The following PLCB1 variants were observed in gnomAD, a reference collection of about 807,000 sequenced individuals.
PLCB1 encodes the protein phospholipase C beta 1.
PLCB1 carries 46 observed loss-of-function variants against 161.8 expected under a neutral mutation model. The ratio of observed to expected loss-of-function variants is 0.28; its 90% CI spans 0.22 to 0.36. PLCB1 has a LOEUF of 0.36. PLCB1 is among the 10% of genes least tolerant of loss of function. PLCB1 has a pLI of 1.00. For missense variants in PLCB1, 1,016 were observed against 1,472.5 expected, an observed-to-expected ratio of 0.69 and a Z score of 5.07; for synonymous variants, 517 against 503.7, an observed-to-expected ratio of 1.03 and a Z score of -0.35.
At chr20:8,506,989 G>A (rs1983661798) in intron 3 of PLCB1, among the ~76,000 whole-genome samples, 2 of 152,078 alleles carry the variant, frequency 1.3e-5, no homozygotes, top group Non-Finnish European at 2.9e-5. Context: ...AAAACTTAAT[G>A]ACTAAGAGCC....
At chr20:8,567,418 A>C (rs1211879115) in intron 3 of PLCB1, among the ~76,000 whole-genome samples, 1 of 151,992 alleles carries the variant, frequency 6.6e-6, no homozygotes, top group Non-Finnish European at 1.5e-5. Flanking sequence ...TCTTCACTTC[A>C]TTCTCCCCTG....
chr20:8,512,854 A>T (rs1725930965), intron 3 of PLCB1, among the ~76,000 whole-genome samples: 1 of 152,076 alleles, frequency 6.6e-6, no homozygotes, highest in African/African-American at 2.4e-5. Flanking sequence ...GTTATTATTA[A>T]CTCTAGTCAC....
At chr20:8,810,176 A>G (rs953249268) in intron 31 of PLCB1, among the ~76,000 whole-genome samples, 6 of 152,304 alleles carry the variant, frequency 3.9e-5, no homozygotes, top group Non-Finnish European at 8.8e-5. Context: ...TGAAAATGTA[A>G]TACCATCTGG....
intron 10 of PLCB1, among the ~76,000 whole-genome samples, chr20:8,695,318 C>T (rs973843300): frequency 1.3e-5 from 2 of 152,134 alleles, no homozygotes; most frequent in Non-Finnish European, 2.9e-5. Context: ...TTTTCTTTGT[C>T]CTGTGTGTCT....
At chr20:8,484,240 G>A (rs1400853778) in intron 3 of PLCB1, among the ~76,000 whole-genome samples, 1 of 151,472 alleles carries the variant, frequency 6.6e-6, no homozygotes, top group African/African-American at 2.4e-5. Context: ...GGTCAGGCTG[G>A]TCTCGAACTC....
Position 8,862,030 on chromosome 20 carries a change from T to A in PLCB1, c.3424-19592T>A, listed in dbSNP as rs186854199. ...AATTGTATTTCCTTTAAAAATAGACTGGCATTATGTTATTATTTAATTATT... is the reference window on the plus strand; with the variant it reads ...AATTGTATTTCCTTTAAAAATAGACAGGCATTATGTTATTATTTAATTATT... On this transcript the variant is annotated intron_variant, in intron 31 of 31. Transcript: ENST00000338037. Among the ~76,000 whole-genome samples the A allele has an allele frequency of 2.4e-4, 37 of 152,318 alleles. 1 individual carries two copies. In the East Asian group the frequency reaches 6.6e-3, roughly 27 times the overall value.
At chr20:8,790,288 A>G (rs1600329849) in intron 31 of PLCB1, 27 bp downstream of exon 31, 2 of 1,524,552 alleles carry the variant, frequency 1.3e-6, no homozygotes, top group Non-Finnish European at 9.0e-7. Context: ...TAAAATGAAC[A>G]ATTATTTTAT....
intron 2 of PLCB1, among the ~76,000 whole-genome samples, chr20:8,274,916 A>C (rs1243342564): frequency 6.6e-6 from 1 of 152,046 alleles, no homozygotes; most frequent in African/African-American, 2.4e-5. Flanking sequence ...TGCTTGAAAA[A>C]GTCTTCTCTT....
At chr20:8,249,935 G>C (rs1324495672) in intron 2 of PLCB1, among the ~76,000 whole-genome samples, 1 of 151,918 alleles carries the variant, frequency 6.6e-6, no homozygotes, top group Non-Finnish European at 1.5e-5. Context: ...TTATGACCAT[G>C]AGGATGGTGG....
At chr20:8,744,839 G>A (rs1314686645) in intron 23 of PLCB1, among the ~76,000 whole-genome samples, 1 of 151,864 alleles carries the variant, frequency 6.6e-6, no homozygotes, top group Non-Finnish European at 1.5e-5. Flanking sequence ...TGAGGTTGTA[G>A]GGCTCTTTTC....
rs554521685 is a variant in PLCB1 at position 8,418,528 on chromosome 20, G to A, written c.246+47078G>A. Among the ~76,000 whole-genome samples the A allele has an allele frequency of 1.7e-3, 251 of 152,078 alleles. 1 individual carries two copies. The highest frequency in any genetic ancestry group is 2.8e-3 in the Non-Finnish European group (192 of 67,998). ...GTAAAATGGCAGTCCCTTATCTACT[G>A]ATGGAGTACCTTCTAAAAGCTTTCC... On this transcript the variant is annotated intron_variant, in intron 3 of 31. Transcript: ENST00000338037.
At chr20:8,692,210 A>G (rs148427141) in intron 10 of PLCB1, among the ~76,000 whole-genome samples, 3 of 152,270 alleles carry the variant, frequency 2.0e-5, no homozygotes, top group East Asian at 3.9e-4. Flanking sequence ...CTCCTCATGT[A>G]TAAGTTCTTG....
chr20:8,779,772 TA>T (rs1983122930), intron 27 of PLCB1, among the ~76,000 whole-genome samples: 2 of 152,162 alleles, frequency 1.3e-5, no homozygotes, highest in Admixed American at 6.5e-5. Context: ...CATTTTAGAG[TA>T]AGCCTACAAT....
intron 7 of PLCB1, among the ~76,000 whole-genome samples, chr20:8,653,908 C>A (rs1989384178): frequency 6.6e-6 from 1 of 152,072 alleles, no homozygotes; most frequent in South Asian, 2.1e-4. Context: ...GTGTTCCTAT[C>A]TATAAAAGTA....
chr20:8,451,143 G>T (rs190205701), intron 3 of PLCB1, among the ~76,000 whole-genome samples: 71 of 152,166 alleles, frequency 4.7e-4, no homozygotes, highest in African/African-American at 1.6e-3. Context: ...TCAGCCACAC[G>T]GTATTGATTC....
intron 3 of PLCB1, among the ~76,000 whole-genome samples, chr20:8,533,579 CATT>C (rs1984913370): frequency 6.6e-6 from 1 of 151,770 alleles, no homozygotes; most frequent in Non-Finnish European, 1.5e-5. Context: ...GATGGTATCT[CATT>C]GTGGTTTTGA....
chr20:8,168,203 G>T (rs1207386751), intron 2 of PLCB1, among the ~76,000 whole-genome samples: 1 of 152,194 alleles, frequency 6.6e-6, no homozygotes, highest in African/African-American at 2.4e-5. Flanking sequence ...ACCTATTGAT[G>T]ACAAGATCTG....
chr20:8,678,736 A>G (rs1990147724), intron 9 of PLCB1, among the ~76,000 whole-genome samples: 1 of 152,166 alleles, frequency 6.6e-6, no homozygotes, highest in Non-Finnish European at 1.5e-5. Flanking sequence ...TCGGCAATCA[A>G]CGCTGACTGA....
rs114585167 is a variant in PLCB1, at chr20:8,411,545, G to A, written c.246+40095G>A. ...TTTAGTCTTTGTTCACCCAATGAAA[G>A]AGTAGACTTTTATTGGGCTTCTGTT... On this transcript the variant is annotated intron_variant, in intron 3 of 31. Coordinates refer to ENST00000338037, the MANE Select transcript of PLCB1 (RefSeq NM_015192.4). Among the ~76,000 whole-genome samples the A allele has an allele frequency of 1.8e-3, 278 of 152,252 alleles. 1 individual carries two copies. The highest frequency in any genetic ancestry group is 6.5e-3 in the African/African-American group (270 of 41,558).
Sources: allele counts gnomAD v4.1 joint callset (sites outside exome capture counted in the v4.1 genomes callset), GRCh38; gene constraint gnomAD v4.1.1; transcripts MANE v1.5; gene names NCBI Gene and HGNC (gene_info 2026-07-23, HGNC 2026-07-21).